Variants in CD55 observed in about 807,000 individuals in gnomAD.
CD55 encodes CD55 molecule (Cromer blood group).
In CD55, 41 loss-of-function variants were observed where a neutral mutation model predicts 45.8. The ratio of observed to expected loss-of-function variants is 0.90; its 90% CI spans 0.70 to 1.16. The LOEUF is 1.16. Among genes scored for constraint, CD55 ranks in the 50% most tolerant of loss-of-function variants. The pLI, the probability that CD55 is intolerant of heterozygous loss-of-function variation, is 0.00. For missense variants in CD55, 416 were observed against 469.8 expected, an observed-to-expected ratio of 0.89 and a Z score of 1.06; for synonymous variants, 181 against 181.1, an observed-to-expected ratio of 1.00 and a Z score of 0.01.
At position 207,337,402 on chromosome 1, in the gene CD55, C is replaced by T. The variant is rs139549061; in HGVS notation, c.1053C>T (p.Thr351=). ...CAACCCCAAATAAAGGAAGTGGAAC[C>T]ACTTCAGGTCAGTTGACACTGTTCA... ...HETTPNKGSG[T]TSGTTRLLSG... The change falls in exon 8 of 10, where the codon ACC becomes ACT. Residue 351 remains threonine (T), a synonymous_variant. Transcript: ENST00000367064. 3 of 1,582,680 alleles carry T rather than the reference C, an allele frequency of 1.9e-6. No homozygotes were observed. Among genetic ancestry groups the T allele is most frequent in the Non-Finnish European group, 2.6e-6 (3 of 1,151,484 alleles).
intron 9 of CD55, among the ~76,000 whole-genome samples, chr1:207,341,519 C>A (rs1168839102): frequency 6.6e-6 from 1 of 152,050 alleles, no homozygotes; most frequent in Non-Finnish European, 1.5e-5. Flanking sequence ...TATCCATTTT[C>A]CAATGTATGT....
In CD55 at chr1:207,331,258, A is replaced by T. The variant is rs1407371316; in HGVS notation, c.815A>T (p.Asp272Val). 1 of 1,613,800 alleles carries T rather than the reference A, an allele frequency of 6.2e-7. No individual in the cohort carries two copies. Among genetic ancestry groups the T allele is most frequent in the South Asian group, 1.1e-5 (1 of 91,082 alleles). ...TCTATTTATTGTACTGTGAATAATGATGAAGGAGAGTGGAGTGGCCCACCA... is the reference window on the plus strand; with the variant it reads ...TCTATTTATTGTACTGTGAATAATGTTGAAGGAGAGTGGAGTGGCCCACCA... ...EHSIYCTVNN[D>V]EGEWSGPPPE... Residue 272 changes from aspartate (D) to valine (V), a missense_variant, in exon 6 of 10, where the codon GAT becomes GTT. Asp to Val is a radical substitution (Grantham distance 152). Around this residue, in one of 3 missense-constraint regions of CD55, gnomAD observed 182 missense variants for 201.4 expected, o/e 0.90. Transcript: ENST00000367064.
At position 207,324,610 on chromosome 1, in the gene CD55, A is replaced by G; in HGVS notation, c.338A>G (p.Tyr113Cys). 2 of 1,612,148 alleles carry G rather than the reference A, an allele frequency of 1.2e-6. No individual in the cohort carries two copies. The highest frequency in any genetic ancestry group is 1.7e-6 in the Non-Finnish European group (2 of 1,179,064). Residue 113 changes from tyrosine to cysteine, a missense_variant, in exon 3 of 10, where the codon TAT becomes TGT. Tyr to Cys is a radical substitution (Grantham distance 194). Coordinates refer to ENST00000367064, the MANE Select transcript of CD55 (RefSeq NM_000574.5). ...RLNSASLKQP[Y>C]ITQNYFPVGT... Reference sequence around the variant, plus strand: ...AATTCTGCATCCCTCAAACAGCCTTATATCACTCAGAATTATTTTCCAGTC... The same window carrying G: ...AATTCTGCATCCCTCAAACAGCCTTGTATCACTCAGAATTATTTTCCAGTC...
intron 6 of CD55, among the ~76,000 whole-genome samples, chr1:207,331,852 TTTTTAAATATA>T (rs1226176325): frequency 1.3e-5 from 2 of 152,200 alleles, no homozygotes; most frequent in Non-Finnish European, 2.9e-5. Context: ...TTCGAACTGC[TTTTTAAATATA>T]TTTTAAAAGA....
chr1:207,327,884 T>C (rs1050722739), intron 5 of CD55, among the ~76,000 whole-genome samples: 1 of 152,186 alleles, frequency 6.6e-6, no homozygotes, highest in African/African-American at 2.4e-5. Context: ...CTCATTGTAG[T>C]TGTTTTTAAA....
intron 9 of CD55, chr1:207,347,569 C>A (rs1160149657): frequency 9.0e-6 from 2 of 221,988 alleles, no homozygotes; most frequent in Non-Finnish European, 1.9e-5. Flanking sequence ...CAGGTAAACA[C>A]ATTTTTTTTC....
intron 9 of CD55, chr1:207,340,767 T>C (rs186350492): frequency 2.2e-6 from 1 of 446,450 alleles, no homozygotes; most frequent in Admixed American, 4.3e-5. Context: ...AATGCACATA[T>C]CTTTTTGATA....
chr1:207,322,687 T>A, intron 2 of CD55, 120 bp downstream of exon 2: 2 of 837,176 alleles, frequency 2.4e-6, no homozygotes, highest in Non-Finnish European at 3.6e-6. Flanking sequence ...CCCCAGGGTA[T>A]ACCCTGTTGG....
At chr1:207,356,362 C>T (rs1378997893) in intron 9 of CD55, among the ~76,000 whole-genome samples, 1 of 152,126 alleles carries the variant, frequency 6.6e-6, no homozygotes, top group African/African-American at 2.4e-5. Context: ...CCTGGATTAA[C>T]AGACTTCATG....
chr1:207,331,209 G>A lies in CD55; in HGVS notation c.766G>A (p.Gly256Arg). The A allele has an allele frequency of 6.2e-7, 1 of 1,613,556 alleles. No individual in the cohort carries two copies. The highest frequency in any genetic ancestry group is 1.3e-5 in the African/African-American group (1 of 75,004). The change falls in exon 6 of 10, where the codon GGA becomes AGA. Residue 256 changes from glycine to arginine, a missense_variant. By Grantham distance (125) the Gly-to-Arg change is moderately radical (BLOSUM62 -2). This residue lies in a region of CD55 where 182 missense variants were observed against 201.4 expected (regional missense o/e 0.90). Transcript: ENST00000367064. ...GTCTGTAACGTATGCATGTAATAAA[G>A]GATTCACCATGATTGGAGAGCACTC... ...RQSVTYACNK[G>R]FTMIGEHSIY...
At chr1:207,359,337 G>A (rs866736012) in intron 9 of CD55, among the ~76,000 whole-genome samples, 1 of 151,838 alleles carries the variant, frequency 6.6e-6, no homozygotes, top group Admixed American at 6.6e-5. Flanking sequence ...AAAACTCCAC[G>A]TCACATTTTA....
intron 6 of CD55, among the ~76,000 whole-genome samples, chr1:207,333,977 C>T (rs924089861): frequency 6.6e-6 from 1 of 151,886 alleles, no homozygotes; most frequent in African/African-American, 2.4e-5. Context: ...GAAATAGGAG[C>T]AGAAGAAATA....
intron 6 of CD55, 88 bp from the exon 7 acceptor site, chr1:207,336,605 A>T: frequency 1.4e-6 from 2 of 1,451,868 alleles, no homozygotes; most frequent in East Asian, 2.3e-5. Flanking sequence ...GGAGAGAGAA[A>T]GGATAGCCAC....
chr1:207,325,208 G>A (rs1654619623), intron 3 of CD55, among the ~76,000 whole-genome samples: 1 of 151,902 alleles, frequency 6.6e-6, no homozygotes, highest in South Asian at 2.1e-4. Context: ...GGTGGCGCAT[G>A]CCTGTAATCC....
In CD55 at chr1:207,339,420, A is replaced by G. The variant is rs1329743910; in HGVS notation, c.1081+3A>G. The G allele has an allele frequency of 6.2e-7, 1 of 1,606,678 alleles. No individual in the cohort carries two copies. The highest frequency in any genetic ancestry group is 1.7e-5 in the Admixed American group (1 of 58,684). On this transcript the variant is annotated splice_donor_region_variant and intron_variant, in intron 9 of 9. Coordinates refer to ENST00000367064, the MANE Select transcript of CD55 (RefSeq NM_000574.5). ...AGGTACTACCCGTCTTCTATCTGGT[A>G]AGTTTGGCTCTCAGGCCATTAAAAG...
chr1:207,357,905 C>A (rs373675032), intron 9 of CD55, among the ~76,000 whole-genome samples: 1 of 152,152 alleles, frequency 6.6e-6, no homozygotes, highest in African/African-American at 2.4e-5. Context: ...GAGATTAACA[C>A]CAACGAATAA....
intron 8 of CD55, 93 bp downstream of exon 8, chr1:207,337,502 CTAATT>C (rs1655238365): frequency 4.1e-6 from 3 of 734,292 alleles, no homozygotes; most frequent in Admixed American, 2.2e-5. Context: ...TAAATGGTCT[CTAATT>C]TATTGTAGCC....
intron 4 of CD55, among the ~76,000 whole-genome samples, chr1:207,326,506 G>A (rs889772697): frequency 6.6e-6 from 1 of 152,102 alleles, no homozygotes; most frequent in Non-Finnish European, 1.5e-5. Context: ...ACACTTTTAT[G>A]CTTTCTAACA....
At chr1:207,353,373 T>C (rs972367628) in intron 9 of CD55, among the ~76,000 whole-genome samples, 1 of 152,182 alleles carries the variant, frequency 6.6e-6, no homozygotes, top group Non-Finnish European at 1.5e-5. Context: ...TCAGGAAATA[T>C]TCAGTGAAAT....
Sources: gnomAD v4.1 joint callset for allele counts (sites outside exome capture counted in the v4.1 genomes callset) on GRCh38, gnomAD v4.1.1 for gene constraint, gnomAD v4.1.1 regional missense constraint, MANE v1.5 for transcripts, NCBI Gene and HGNC (gene_info 2026-07-23, HGNC 2026-07-21) for gene names.